Variants in CNNM1 observed in about 807,000 individuals in gnomAD.
The protein encoded by CNNM1 is cyclin and CBS domain divalent metal cation transport mediator 1.
CNNM1 carries 44 observed loss-of-function variants against 78.8 expected under a neutral mutation model. That is an observed-to-expected ratio of 0.56 (90% CI 0.44 to 0.72). The LOEUF (loss-of-function observed/expected upper bound fraction) is 0.72. Among genes scored for constraint, CNNM1 ranks in the 30% least tolerant of loss-of-function variants. The pLI is 0.00. For synonymous variants in CNNM1, 584 were observed against 581.5 expected, an observed-to-expected ratio of 1.00 and a Z score of -0.06; for missense variants, 1,101 against 1,292.2, an observed-to-expected ratio of 0.85 and a Z score of 2.27.
intron 7 of CNNM1, among the ~76,000 whole-genome samples, chr10:99,386,073 G>T (rs575869088): frequency 6.6e-6 from 1 of 152,300 alleles, no homozygotes; most frequent in African/African-American, 2.4e-5. Flanking sequence ...ACATTGAATC[G>T]ATTGAAGACT....
chr10:99,352,611 A>G (rs1459225475), intron 1 of CNNM1, among the ~76,000 whole-genome samples: 1 of 152,192 alleles, frequency 6.6e-6, no homozygotes, highest in African/African-American at 2.4e-5. Flanking sequence ...TTCCTTCATG[A>G]TGACAATGTT....
At chr10:99,386,219 C>A (rs1046689304) in intron 7 of CNNM1, among the ~76,000 whole-genome samples, 5 of 152,144 alleles carry the variant, frequency 3.3e-5, no homozygotes, top group African/African-American at 9.7e-5. Flanking sequence ...AAGAAAAAAA[C>A]CAAAACCTGA....
At position 99,329,535 on chromosome 10, in the gene CNNM1, A is replaced by T; in HGVS notation, c.148A>T (p.Thr50Ser). 1.3e-6 allele frequency: 2 copies of T among 1,512,412 alleles called. No individual in the cohort carries two copies. The highest frequency in any genetic ancestry group is 1.8e-6 in the Non-Finnish European group (2 of 1,139,428). 93.7% of individuals were successfully genotyped at this position (1,512,412 alleles called of 1,614,324 possible). A position where few individuals can be genotyped will look rare whatever the true frequency, so the allele number is the denominator to read the frequency against. The change falls in exon 1 of 11, where the codon ACT becomes TCT. Residue 50 changes from threonine (T) to serine (S), a missense_variant. Thr to Ser is a moderately conservative substitution (Grantham distance 58, BLOSUM62 1). This residue lies in a region of CNNM1 where 476 missense variants were observed against 484.5 expected (regional missense o/e 0.98). Transcript: ENST00000356713. ...AWLLGLRPED[T>S]AGGRVSLEGG... ...GCTGCTGGGCCTGCGGCCCGAGGAC[A>T]CTGCTGGAGGCCGCGTGTCCCTGGA...
chr10:99,339,418 A>G (rs1239363944), intron 1 of CNNM1, among the ~76,000 whole-genome samples: 5 of 152,226 alleles, frequency 3.3e-5, no homozygotes, highest in Non-Finnish European at 7.3e-5. Context: ...CCCAGACTGC[A>G]GAATGGTACC....
At chr10:99,368,785 C>T in intron 6 of CNNM1, 1 of 720,148 alleles carries the variant, frequency 1.4e-6, no homozygotes, top group Non-Finnish European at 2.1e-6. Context: ...CTCCAACAGG[C>T]ACTCCTGTGA....
chr10:99,359,956 CG>C (rs1204606281), intron 2 of CNNM1, among the ~76,000 whole-genome samples: 12 of 149,222 alleles, frequency 8.0e-5, no homozygotes, highest in African/African-American at 3.0e-4. Flanking sequence ...AAGCGGGGGC[CG>C]GGGGGGAAGT....
In CNNM1 at chr10:99,330,540, C is replaced by G; in HGVS notation, c.1153C>G (p.Arg385Gly). ...PLGRLLDWAL[R>G]QEISTFYTRE... ...GGGCCGCCTGCTGGACTGGGCGCTG[C>G]GCCAGGAGATAAGCACCTTCTACAC... Residue 385 changes from arginine to glycine, a missense_variant, in exon 1 of 11, where the codon CGC becomes GGC. Transcript: ENST00000356713. The G allele has an allele frequency of 6.3e-7, 1 of 1,595,776 alleles. No homozygotes were observed. Among genetic ancestry groups the G allele is most frequent in the Non-Finnish European group, 8.5e-7 (1 of 1,171,576 alleles).
chr10:99,391,136 G>A (rs2032460836), intron 10 of CNNM1, among the ~76,000 whole-genome samples: 1 of 152,250 alleles, frequency 6.6e-6, no homozygotes, highest in East Asian at 1.9e-4. Flanking sequence ...GGCGCAGGAG[G>A]CATGGGCCTG....
intron 9 of CNNM1, among the ~76,000 whole-genome samples, chr10:99,389,377 A>T (rs2032403623): frequency 7.0e-6 from 1 of 142,668 alleles, no homozygotes; most frequent in African/African-American, 2.6e-5. Context: ...AGATGGCGCC[A>T]TTGCACTCTA....
chr10:99,367,970 A>G (rs1403288886), intron 6 of CNNM1, among the ~76,000 whole-genome samples: 1 of 152,182 alleles, frequency 6.6e-6, no homozygotes, highest in Non-Finnish European at 1.5e-5. Flanking sequence ...GAACGGAGAG[A>G]TACTTTGGAC....
Position 99,340,380 on chromosome 10 carries a change from A to G in CNNM1, c.1573+9420A>G, listed in dbSNP as rs115873252. Among the ~76,000 whole-genome samples the G allele has an allele frequency of 7.4e-3, 1,125 of 152,324 alleles. 12 individuals are homozygous for G. Among genetic ancestry groups the G allele is most frequent in the African/African-American group, 0.026 (1,064 of 41,568 alleles). On this transcript the variant is annotated intron_variant, in intron 1 of 10. Transcript: ENST00000356713. ...GTCAAACCTGTCTTTTTATCTAACT[A>G]AATCCCACAGGCTGCAGTTAAATTC...
rs555153966 is a variant in CNNM1 at position 99,342,831 on chromosome 10, A to C, written c.1573+11871A>C. 2.0e-5 allele frequency among the ~76,000 whole-genome samples: 3 copies of C among 152,328 alleles called. No homozygotes were observed. In the East Asian group the frequency reaches 5.8e-4, roughly 29 times the overall value. Reference sequence around the variant, plus strand: ...AACAGCACTGTTAAAATTCTGGCATATATCATTGCAAAGAAGTATCCTGTA... The same window carrying C: ...AACAGCACTGTTAAAATTCTGGCATCTATCATTGCAAAGAAGTATCCTGTA... On this transcript the variant is annotated intron_variant, in intron 1 of 10. Coordinates refer to ENST00000356713, the MANE Select transcript of CNNM1 (RefSeq NM_020348.3).
At chr10:99,365,233 TG>T in intron 6 of CNNM1, 1 of 624,352 alleles carries the variant, frequency 1.6e-6, no homozygotes, top group Middle Eastern at 2.9e-4. Flanking sequence ...CTCACATGGT[TG>T]GGGGGATGCA....
intron 1 of CNNM1, among the ~76,000 whole-genome samples, chr10:99,356,600 G>GAAAAGA (rs144227322): frequency 0.059 from 7,520 of 128,508 alleles, 256 homozygotes; most frequent in South Asian, 0.079. Context: ...AAGAAAGAAA[G>GAAAAGA]AAAGAAAAGA....
chr10:99,329,751 G>T lies in CNNM1; in HGVS notation c.364G>T (p.Ala122Ser), dbSNP rs944483487. The T allele has an allele frequency of 1.3e-6, 2 of 1,501,656 alleles. No homozygotes were observed. The highest frequency in any genetic ancestry group is 1.3e-5 in the South Asian group (1 of 79,776). 93.0% of individuals were successfully genotyped at this position (1,501,656 alleles called of 1,614,324 possible). A position where few individuals can be genotyped will look rare whatever the true frequency, so the allele number is the denominator to read the frequency against. ...GGGCGGTGGCGGCGTGGCCCCCAGCGCGGTCCCCACTCGCCCCCCGGGACC... is the reference window on the plus strand; with the variant it reads ...GGGCGGTGGCGGCGTGGCCCCCAGCTCGGTCCCCACTCGCCCCCCGGGACC... ...PPGGGGVAPS[A>S]VPTRPPGPQR... is the part of the protein sequence containing the mutation. The change falls in exon 1 of 11, where the codon GCG becomes TCG. Residue 122 changes from alanine to serine, a missense_variant. This residue lies in a region of CNNM1 where 476 missense variants were observed against 484.5 expected (regional missense o/e 0.98). Transcript: ENST00000356713.
chr10:99,358,404 A>G (rs1157405187), intron 2 of CNNM1, among the ~76,000 whole-genome samples: 3 of 152,198 alleles, frequency 2.0e-5, no homozygotes, highest in Non-Finnish European at 2.9e-5. Context: ...AGTCCATGGG[A>G]GTCCCTAGGC....
At chr10:99,332,307 A>T (rs2029954519) in intron 1 of CNNM1, among the ~76,000 whole-genome samples, 1 of 152,212 alleles carries the variant, frequency 6.6e-6, no homozygotes, top group Admixed American at 6.5e-5. Flanking sequence ...ATGTTTATTA[A>T]AAACAAAAAC....
chr10:99,358,247 T>C (rs962598544), intron 2 of CNNM1, among the ~76,000 whole-genome samples: 5 of 152,206 alleles, frequency 3.3e-5, no homozygotes, highest in African/African-American at 4.8e-5. Flanking sequence ...TTCTTTCTGG[T>C]CTGCTGCCCC....
intron 6 of CNNM1, among the ~76,000 whole-genome samples, chr10:99,374,216 C>G (rs1416488686): frequency 6.6e-6 from 1 of 152,142 alleles, no homozygotes; most frequent in Non-Finnish European, 1.5e-5. Context: ...AATTAATTAC[C>G]TTGGTGCTTC....
Sources: gnomAD v4.1 joint callset for allele counts (sites outside exome capture counted in the v4.1 genomes callset) on GRCh38, gnomAD v4.1.1 for gene constraint, gnomAD v4.1.1 regional missense constraint, MANE v1.5 for transcripts, NCBI Gene and HGNC (gene_info 2026-07-23, HGNC 2026-07-21) for gene names.